The following SGCD variants were observed in gnomAD, a reference collection of about 807,000 sequenced individuals.
SGCD encodes the protein delta-sarcoglycan.
SGCD carries 18 observed loss-of-function variants against 36.6 expected under a neutral mutation model. The ratio of observed to expected loss-of-function variants is 0.49; its 90% CI spans 0.34 to 0.73. The LOEUF (loss-of-function observed/expected upper bound fraction) is 0.73. SGCD is among the 30% of genes least tolerant of loss of function. The pLI, the probability that SGCD is intolerant of heterozygous loss-of-function variation, is 0.01. For missense variants in SGCD, 387 were observed against 346.7 expected, an observed-to-expected ratio of 1.12 and a Z score of -0.92; for synonymous variants, 133 against 130.6, an observed-to-expected ratio of 1.02 and a Z score of -0.12.
At chr5:156,075,969 T>C (rs1275230453) in intron 1 of SGCD, among the ~76,000 whole-genome samples, 1 of 152,182 alleles carries the variant, frequency 6.6e-6, no homozygotes, top group Non-Finnish European at 1.5e-5. Context: ...ACTAATCTTT[T>C]TTATTACTCC....
intron 1 of SGCD, among the ~76,000 whole-genome samples, chr5:155,898,625 A>G (rs961545019): frequency 2.0e-5 from 3 of 152,184 alleles, no homozygotes; most frequent in Admixed American, 2.0e-4. Context: ...AGTAGTAGAC[A>G]GTCCCAGGGT....
At chr5:156,247,073 A>G (rs961128200) in intron 3 of SGCD, among the ~76,000 whole-genome samples, 3 of 152,218 alleles carry the variant, frequency 2.0e-5, no homozygotes, top group African/African-American at 7.2e-5. Flanking sequence ...ATAGGAAGTG[A>G]TAATGAAGAT....
At chr5:156,691,332 G>A (rs1754103658) in intron 7 of SGCD, among the ~76,000 whole-genome samples, 1 of 151,848 alleles carries the variant, frequency 6.6e-6, no homozygotes, top group Non-Finnish European at 1.5e-5. Context: ...AGTTCCTCAG[G>A]CATGCTGGCC....
At chr5:156,377,505 G>A (rs1041594176) in intron 3 of SGCD, among the ~76,000 whole-genome samples, 1 of 152,156 alleles carries the variant, frequency 6.6e-6, no homozygotes, top group African/African-American at 2.4e-5. Flanking sequence ...TCTAAATAAT[G>A]TTAAGCTCCA....
At chr5:155,756,903 C>G in the SGCD span, among the ~76,000 whole-genome samples, 11 of 152,262 alleles carry the variant, frequency 7.2e-5, no homozygotes, top group African/African-American at 2.6e-4. Context: ...TGGCATCAAA[C>G]TACCCCTCCT....
intron 1 of SGCD, among the ~76,000 whole-genome samples, chr5:156,075,586 A>G (rs1009987875): frequency 1.3e-5 from 2 of 152,178 alleles, no homozygotes; most frequent in Admixed American, 6.5e-5. Context: ...AGGTGAACAA[A>G]TTCTATTGAT....
chr5:156,417,512 G>A (rs1470283076), intron 3 of SGCD, among the ~76,000 whole-genome samples: 1 of 152,100 alleles, frequency 6.6e-6, no homozygotes, highest in Non-Finnish European at 1.5e-5. Context: ...CCAAGACTAG[G>A]TGGCTTAAAC....
chr5:156,469,199 T>G (rs1041827237), intron 3 of SGCD, among the ~76,000 whole-genome samples: 1 of 152,192 alleles, frequency 6.6e-6, no homozygotes, highest in Non-Finnish European at 1.5e-5. Context: ...TTTTTTGTTG[T>G]TGTTTTGAGA....
chr5:156,476,375 A>G (rs1755176528), intron 3 of SGCD, among the ~76,000 whole-genome samples: 1 of 152,200 alleles, frequency 6.6e-6, no homozygotes, highest in Non-Finnish European at 1.5e-5. Flanking sequence ...GCCGAAGTGG[A>G]AGCAGAATTA....
At chr5:156,003,653 G>T (rs1758704608) in intron 1 of SGCD, among the ~76,000 whole-genome samples, 6 of 152,186 alleles carry the variant, frequency 3.9e-5, no homozygotes, top group Admixed American at 3.9e-4. Context: ...AAGTCTGGAG[G>T]ATTGATATAA....
chr5:156,166,228 G>A (rs1328465822), intron 3 of SGCD, among the ~76,000 whole-genome samples: 2 of 150,412 alleles, frequency 1.3e-5, no homozygotes, highest in Non-Finnish European at 3.0e-5. Flanking sequence ...ATTACTAATT[G>A]TTGCTTTGTA....
At chr5:155,862,304 G>A in the SGCD span, among the ~76,000 whole-genome samples, 2 of 152,070 alleles carry the variant, frequency 1.3e-5, no homozygotes, top group Non-Finnish European at 1.5e-5. Context: ...ATTAGCCACT[G>A]GATAGCCATA....
chr5:156,279,268 T>A (rs548019715), intron 3 of SGCD, among the ~76,000 whole-genome samples: 9 of 152,268 alleles, frequency 5.9e-5, no homozygotes, highest in African/African-American at 1.9e-4. Context: ...ATAAGAATGT[T>A]CAAAACTATA....
intron 8 of SGCD, among the ~76,000 whole-genome samples, 172 bp from the exon 9 acceptor site, chr5:156,759,045 T>TAGAG (rs1757443023): frequency 6.6e-6 from 1 of 152,224 alleles, no homozygotes; most frequent in African/African-American, 2.4e-5. Flanking sequence ...TCTGTGAAGG[T>TAGAG]AGAGACTTTC....
At chr5:155,785,623 G>A in the SGCD span, among the ~76,000 whole-genome samples, 1 of 152,082 alleles carries the variant, frequency 6.6e-6, no homozygotes, top group Middle Eastern at 3.4e-3. Flanking sequence ...GCAATAAATT[G>A]AAGTCTCAAA....
chr5:156,140,965 C>G (rs912555330), intron 3 of SGCD, among the ~76,000 whole-genome samples: 5 of 152,108 alleles, frequency 3.3e-5, no homozygotes, highest in Non-Finnish European at 7.4e-5. Context: ...AGAGGGGGGG[C>G]CCAGGAGGCT....
intron 1 of SGCD, among the ~76,000 whole-genome samples, chr5:156,063,576 T>C (rs1427827942): frequency 1.9e-5 from 2 of 106,300 alleles, no homozygotes; most frequent in East Asian, 2.2e-4. Context: ...GCATGGAATG[T>C]TCTTCCATTT....
intron 7 of SGCD, among the ~76,000 whole-genome samples, chr5:156,678,687 G>T (rs951401923): frequency 6.6e-6 from 1 of 152,192 alleles, no homozygotes; most frequent in African/African-American, 2.4e-5. Flanking sequence ...TAACAAAGAG[G>T]AAATTATAGT....
chr5:156,598,437 G>A (rs1413190353), intron 6 of SGCD, among the ~76,000 whole-genome samples: 1 of 152,220 alleles, frequency 6.6e-6, no homozygotes, highest in Non-Finnish European at 1.5e-5. Context: ...AGCTACTGGG[G>A]AGGCTGAGGC....
Sources: allele counts gnomAD v4.1 joint callset (sites outside exome capture counted in the v4.1 genomes callset), GRCh38; gene constraint gnomAD v4.1.1; transcripts MANE v1.5; gene names NCBI Gene and HGNC (gene_info 2026-07-23, HGNC 2026-07-21).